Variants in SLC8A3 observed in about 807,000 individuals in gnomAD.
The protein encoded by SLC8A3 is solute carrier family 8 member A3.
In SLC8A3, 37 loss-of-function variants were observed where a neutral mutation model predicts 65.4. The ratio of observed to expected loss-of-function variants is 0.57; its 90% CI spans 0.44 to 0.74. The LOEUF (loss-of-function observed/expected upper bound fraction) is 0.74. SLC8A3 is among the 30% of genes least tolerant of loss of function. The pLI, the probability that SLC8A3 is intolerant of heterozygous loss-of-function variation, is 0.00. For synonymous variants in SLC8A3, 461 were observed against 444.5 expected, an observed-to-expected ratio of 1.04 and a Z score of -0.47; for missense variants, 1,112 against 1,172.1, an observed-to-expected ratio of 0.95 and a Z score of 0.75.
chr14:70,161,209 G>A lies in SLC8A3; in HGVS notation c.1784+5430C>T, dbSNP rs959212215. Among the ~76,000 whole-genome samples the A allele has an allele frequency of 2.3e-5, 3 of 130,630 alleles. No homozygotes were observed. The East Asian group carries it at 6.8e-4, about 30-fold the overall frequency. 85.7% of individuals were successfully genotyped at this position (130,630 alleles called of 152,430 possible). ...GGAGGCTGAGGCAGGAGAATGGCGTGAACCCGGGAGGCAGAGCTTGCAGTG... is the reference window on the plus strand; with the variant it reads ...GGAGGCTGAGGCAGGAGAATGGCGTAAACCCGGGAGGCAGAGCTTGCAGTG... On this transcript the variant is annotated intron_variant, in intron 2 of 6. Transcript: ENST00000356921.
intron 2 of SLC8A3, among the ~76,000 whole-genome samples, chr14:70,126,102 G>A (rs942503829): frequency 1.3e-5 from 2 of 152,178 alleles, no homozygotes; most frequent in African/African-American, 4.8e-5. Context: ...TACCTTGGGG[G>A]ATCCAAAGCT....
At chr14:70,069,947 T>C (rs539052023) in intron 2 of SLC8A3, among the ~76,000 whole-genome samples, 3 of 152,316 alleles carry the variant, frequency 2.0e-5, no homozygotes, top group Non-Finnish European at 4.4e-5. Flanking sequence ...TGGATGCTAC[T>C]GGTCCATGGC....
chr14:70,052,174 G>A (rs1298436363), intron 3 of SLC8A3, 60 bp from the exon 4 acceptor site: 3 of 1,532,742 alleles, frequency 2.0e-6, no homozygotes, highest in Non-Finnish European at 2.6e-6. Context: ...GAAGGATACA[G>A]CTCAGAGTAT....
chr14:70,159,293 C>T (rs562973897), intron 2 of SLC8A3, among the ~76,000 whole-genome samples: 1 of 152,124 alleles, frequency 6.6e-6, no homozygotes, highest in African/African-American at 2.4e-5. Flanking sequence ...CCTGTAGTCC[C>T]AGCTATGCAG....
chr14:70,086,563 G>A (rs73292564), intron 2 of SLC8A3, among the ~76,000 whole-genome samples: 79 of 151,792 alleles, frequency 5.2e-4, no homozygotes, highest in African/African-American at 1.8e-3. Flanking sequence ...CACCACACTC[G>A]GCTATTTTTT....
In SLC8A3 at chr14:70,044,285, T is replaced by G. The variant is rs554501707; in HGVS notation, c.*1662A>C. 1.3e-5 allele frequency: 2 copies of G among 152,230 alleles called. No individual in the cohort carries two copies. Among genetic ancestry groups the G allele is most frequent in the Middle Eastern group, 3.4e-3 (1 of 294 alleles). The allele number at this position is 152,230 out of a possible 1,614,324, so 9.4% of individuals were successfully genotyped here. A position where few individuals can be genotyped will look rare whatever the true frequency, so the allele number is the denominator to read the frequency against. ...AACCCAACATTTCCACTGGCAACTGTCAACATAGCTTATGACATGAGCACT... is the reference window on the plus strand; with the variant it reads ...AACCCAACATTTCCACTGGCAACTGGCAACATAGCTTATGACATGAGCACT... On this transcript the variant is annotated 3_prime_UTR_variant, in exon 7 of 7. Coordinates refer to ENST00000356921, the MANE Select transcript of SLC8A3 (RefSeq NM_182932.3).
At chr14:70,081,157 C>T (rs542009339) in intron 2 of SLC8A3, among the ~76,000 whole-genome samples, 5 of 152,286 alleles carry the variant, frequency 3.3e-5, no homozygotes, top group Admixed American at 6.5e-5. Context: ...CTCCCTTCGA[C>T]AAAACCTCCT....
At chr14:70,150,331 T>C (rs1896191067) in intron 2 of SLC8A3, among the ~76,000 whole-genome samples, 1 of 152,208 alleles carries the variant, frequency 6.6e-6, no homozygotes, top group South Asian at 2.1e-4. Context: ...CACCAACAAG[T>C]AGCTGGGACT....
intron 2 of SLC8A3, among the ~76,000 whole-genome samples, chr14:70,124,761 A>C (rs1168501494): frequency 6.6e-6 from 1 of 152,228 alleles, no homozygotes; most frequent in African/African-American, 2.4e-5. Flanking sequence ...ACCAGTAAAT[A>C]GTGTTCAAGA....
At chr14:70,107,404 A>T (rs11622223) in intron 2 of SLC8A3, among the ~76,000 whole-genome samples, 1 of 151,934 alleles carries the variant, frequency 6.6e-6, no homozygotes. Flanking sequence ...GCCAGCAGCC[A>T]CTGTGCAATT....
chr14:70,163,465 T>C (rs1426454911), intron 2 of SLC8A3, among the ~76,000 whole-genome samples: 3 of 152,042 alleles, frequency 2.0e-5, no homozygotes, highest in African/African-American at 7.2e-5. Context: ...TAGGGGAGTA[T>C]AGTGAGGGCA....
chr14:70,139,562 G>A (rs1037858920), intron 2 of SLC8A3, among the ~76,000 whole-genome samples: 2 of 152,326 alleles, frequency 1.3e-5, no homozygotes, highest in South Asian at 4.1e-4. Flanking sequence ...GTAGCGTAAG[G>A]TATCTGCAGA....
intron 2 of SLC8A3, among the ~76,000 whole-genome samples, chr14:70,151,261 G>GAAAAAAAAAA (rs57192683): frequency 8.0e-6 from 1 of 125,358 alleles, no homozygotes. Context: ...CTCAAAAAAA[G>GAAAAAAAAAA]AAAAAAAAAA....
At chr14:70,141,777 A>T (rs1487521829) in intron 2 of SLC8A3, among the ~76,000 whole-genome samples, 1 of 152,228 alleles carries the variant, frequency 6.6e-6, no homozygotes, top group Non-Finnish European at 1.5e-5. Flanking sequence ...ACTGGAAGCT[A>T]AATGCTATCA....
intron 2 of SLC8A3, among the ~76,000 whole-genome samples, chr14:70,094,877 T>G (rs143527968): frequency 1.1e-3 from 172 of 152,342 alleles, no homozygotes; most frequent in Middle Eastern, 0.01. Context: ...CCATGTGAGT[T>G]GAGTATTATC....
chr14:70,181,377 T>C (rs975152020), intron 1 of SLC8A3, among the ~76,000 whole-genome samples: 2 of 151,674 alleles, frequency 1.3e-5, no homozygotes, highest in African/African-American at 4.9e-5. Context: ...CATTTTTTCA[T>C]TGAACACCTA....
intron 1 of SLC8A3, among the ~76,000 whole-genome samples, chr14:70,186,632 A>C (rs989075859): frequency 6.6e-6 from 1 of 152,200 alleles, no homozygotes; most frequent in African/African-American, 2.4e-5. Flanking sequence ...TCATTTAAAG[A>C]AAAAGGAGGC....
rs367979124 is a variant in SLC8A3 at position 70,055,775 on chromosome 14, G to T, written c.1889-3661C>A. On this transcript the variant is annotated intron_variant, in intron 3 of 6. Transcript: ENST00000356921. ...ACTGGCAAGAAGTGGAAAGAAAAGA[G>T]GGGGACAAGACACCTCTTACCTGGA... 8.7e-5 allele frequency: 140 copies of T among 1,600,934 alleles called. No individual in the cohort carries two copies. In the African/African-American group the frequency reaches 1.7e-3, roughly 19 times the overall value.
chr14:70,166,084 G>A (rs1346672778), intron 2 of SLC8A3, among the ~76,000 whole-genome samples: 1 of 152,200 alleles, frequency 6.6e-6, no homozygotes, highest in Non-Finnish European at 1.5e-5. Flanking sequence ...TATCAATTTT[G>A]CAATTTCCAA....
Sources: gnomAD v4.1 joint callset for allele counts (sites outside exome capture counted in the v4.1 genomes callset) on GRCh38, gnomAD v4.1.1 for gene constraint, MANE v1.5 for transcripts, NCBI Gene and HGNC (gene_info 2026-07-23, HGNC 2026-07-21) for gene names.